PRKAR1B: variants seen among roughly 807,000 people sequenced by gnomAD.
PRKAR1B encodes the protein cAMP-dependent protein kinase type I-beta regulatory subunit.
PRKAR1B carries 22 observed loss-of-function variants against 46.5 expected under a neutral mutation model. The ratio of observed to expected loss-of-function variants is 0.47; its 90% CI spans 0.34 to 0.68. The LOEUF (loss-of-function observed/expected upper bound fraction) is 0.68. PRKAR1B is among the 30% of genes least tolerant of loss of function. The probability of loss-of-function intolerance (pLI) is 0.01; values close to 1 mark genes in which losing one functional copy is unlikely to be tolerated. For synonymous variants in PRKAR1B, 259 were observed against 217.7 expected, an observed-to-expected ratio of 1.19 and a Z score of -1.67; for missense variants, 445 against 535.6, an observed-to-expected ratio of 0.83 and a Z score of 1.67.
chr7:587,425 C>T lies in PRKAR1B; in HGVS notation c.709-2857G>A, dbSNP rs574161904. 1.5e-3 allele frequency among the ~76,000 whole-genome samples: 224 copies of T among 152,314 alleles called. 1 individual carries two copies. The highest frequency in any genetic ancestry group is 4.9e-3 in the African/African-American group (202 of 41,570). On this transcript the variant is annotated intron_variant, in intron 7 of 10. Transcript: ENST00000537384. The stretch of plus-strand genomic sequence containing the variant: ...GAGGAGAAAGTGGAGGTGAGTGCTT[C>T]GGAGGTGTGTGTCTGAAGTTACCCA...
chr7:717,693 A>G (rs1210759874), intron 1 of PRKAR1B, among the ~76,000 whole-genome samples: 1 of 152,056 alleles, frequency 6.6e-6, no homozygotes, highest in African/African-American at 2.4e-5. Flanking sequence ...GTTCTCTAAT[A>G]TTCAAGTTTT....
chr7:711,344 G>A lies in PRKAR1B; in HGVS notation c.162C>T (p.Phe54=). The stretch of plus-strand genomic sequence containing the variant: ...GGCCACTCACCTTCTCCAGCTTCTC[G>A]AAGTGCTCCCGGAGGAACTTCATGG... ...ERPMKFLREH[F]EKLEKEENRQ... The change falls in exon 2 of 11, where the codon TTC becomes TTT. Residue 54 remains phenylalanine, a synonymous_variant. Transcript: ENST00000537384. 4 of 1,614,168 alleles carry A rather than the reference G, an allele frequency of 2.5e-6. No homozygotes were observed. The highest frequency in any genetic ancestry group is 3.4e-6 in the Non-Finnish European group (4 of 1,180,012).
chr7:717,219 G>A (rs890294582), intron 1 of PRKAR1B, among the ~76,000 whole-genome samples: 2 of 151,848 alleles, frequency 1.3e-5, no homozygotes, highest in African/African-American at 4.8e-5. Flanking sequence ...AACCCAAGAG[G>A]CAGAGGTCAT....
At position 666,664 on chromosome 7, in the gene PRKAR1B, C is replaced by A. The variant is rs1785947432; in HGVS notation, c.440+10565G>T. Among the ~76,000 whole-genome samples, 1 of 152,200 alleles carries A rather than the reference C, an allele frequency of 6.6e-6. No homozygotes were observed. The highest frequency in any genetic ancestry group is 2.1e-4 in the South Asian group (1 of 4,832). On this transcript the variant is annotated intron_variant, in intron 4 of 10. Coordinates refer to ENST00000537384, the MANE Select transcript of PRKAR1B (RefSeq NM_001164760.2). This position sits in a 1 kb window ranked among gnomAD's most constrained non-coding sequence, Gnocchi z 4.9. Reference sequence around the variant, plus strand: ...TCTGTTCAGTACAGTGAGGTGGGGACAAGGTGGCCTCCTAGGGATCTTCCT... The same window carrying A: ...TCTGTTCAGTACAGTGAGGTGGGGAAAAGGTGGCCTCCTAGGGATCTTCCT...
At chr7:674,437 C>G (rs1786467078) in intron 4 of PRKAR1B, among the ~76,000 whole-genome samples, 1 of 151,990 alleles carries the variant, frequency 6.6e-6, no homozygotes, top group African/African-American at 2.4e-5. Flanking sequence ...CTAGCCACAC[C>G]CAGATATTCC....
chr7:673,026 G>C lies in PRKAR1B; in HGVS notation c.440+4203C>G, dbSNP rs553880982. Among the ~76,000 whole-genome samples the C allele has an allele frequency of 2.4e-3, 288 of 119,460 alleles. 2 individuals carry two copies. The highest frequency in any genetic ancestry group is 8.7e-3 in the African/African-American group (275 of 31,760). 78.4% of individuals were successfully genotyped at this position (119,460 alleles called of 152,430 possible). On this transcript the variant is annotated intron_variant, in intron 4 of 10. Coordinates refer to ENST00000537384, the MANE Select transcript of PRKAR1B (RefSeq NM_001164760.2). ...TGCCACTGCACTCCAGCCTGGGTGAGAGAGTAAGGCCTTGTCTTTAAAAAA... is the reference window on the plus strand; with the variant it reads ...TGCCACTGCACTCCAGCCTGGGTGACAGAGTAAGGCCTTGTCTTTAAAAAA...
rs1382723945 is a variant in PRKAR1B at position 667,931 on chromosome 7, C to T, written c.440+9298G>A. 6.6e-6 allele frequency among the ~76,000 whole-genome samples: 1 copy of T among 152,248 alleles called. No individual in the cohort carries two copies. The highest frequency in any genetic ancestry group is 2.4e-5 in the African/African-American group (1 of 41,472). ...CTCCCTCACAACCACGTTGCACTAT[C>T]TTCCTTTAAATCAAAGGTCTTAAAC... On this transcript the variant is annotated intron_variant, in intron 4 of 10. Transcript: ENST00000537384. This position sits in a 1 kb window ranked among gnomAD's most constrained non-coding sequence, Gnocchi z 4.3.
intron 1 of PRKAR1B, among the ~76,000 whole-genome samples, chr7:717,923 G>A (rs946492390): frequency 1.3e-5 from 2 of 151,982 alleles, no homozygotes; most frequent in African/African-American, 4.8e-5. Context: ...GCAAAGGTGA[G>A]GAGTGAGCAT....
At chr7:579,829 C>T (rs1780074140) in intron 8 of PRKAR1B, among the ~76,000 whole-genome samples, 1 of 152,204 alleles carries the variant, frequency 6.6e-6, no homozygotes, top group African/African-American at 2.4e-5. Context: ...GCACAGTGGG[C>T]TCACGCCTAT....
intron 1 of PRKAR1B, among the ~76,000 whole-genome samples, chr7:721,810 A>C (rs901970228): frequency 6.6e-6 from 1 of 152,222 alleles, no homozygotes; most frequent in Non-Finnish European, 1.5e-5. Flanking sequence ...ACTCACAGTC[A>C]ACAGCTCTTT....
At chr7:693,538 A>T (rs73047920) in intron 2 of PRKAR1B, among the ~76,000 whole-genome samples, 1 of 151,840 alleles carries the variant, frequency 6.6e-6, no homozygotes, top group Non-Finnish European at 1.5e-5. Flanking sequence ...TTTCACTGGC[A>T]TTACGTGTCC....
intron 2 of PRKAR1B, among the ~76,000 whole-genome samples, chr7:688,698 A>C (rs1350642366): frequency 6.6e-6 from 1 of 152,130 alleles, no homozygotes; most frequent in African/African-American, 2.4e-5. Context: ...TCAGTGCAGG[A>C]AAACCCTCCC....
chr7:712,559 C>G (rs1471594879), intron 1 of PRKAR1B: 1 of 144,604 alleles, frequency 6.9e-6, no homozygotes, highest in African/African-American at 2.5e-5. Flanking sequence ...TGCTGCACCC[C>G]CAACGCCGCC....
At position 606,925 on chromosome 7, in the gene PRKAR1B, CAT is replaced by C. The variant is rs201306105; in HGVS notation, c.502+464_502+465del. 3.5e-3 allele frequency among the ~76,000 whole-genome samples: 522 copies of C among 151,052 alleles called. 3 individuals are homozygous for C. The highest frequency in any genetic ancestry group is 7.7e-3 in the East Asian group (40 of 5,194). On this transcript the variant is annotated intron_variant, in intron 5 of 10. Coordinates refer to ENST00000537384, the MANE Select transcript of PRKAR1B (RefSeq NM_001164760.2). ...GTACATATATGTATACATGTACACA[CAT>C]ATGTGTGCACATATACGTGCATATA...
intron 2 of PRKAR1B, chr7:691,785 A>G: frequency 6.7e-6 from 8 of 1,191,762 alleles, no homozygotes; most frequent in African/African-American, 1.6e-5. Flanking sequence ...ACCGGCAATC[A>G]CCTCCTGCGG....
intron 7 of PRKAR1B, among the ~76,000 whole-genome samples, chr7:594,942 G>C (rs944531209): frequency 6.6e-6 from 1 of 152,212 alleles, no homozygotes; most frequent in African/African-American, 2.4e-5. Context: ...CAGACCCAGA[G>C]CTTCCCAGGA....
chr7:568,303 C>T (rs1779295158), intron 9 of PRKAR1B, among the ~76,000 whole-genome samples: 1 of 152,174 alleles, frequency 6.6e-6, no homozygotes, highest in Non-Finnish European at 1.5e-5. Flanking sequence ...GGAAGCTGCC[C>T]CCTCAGGAGC....
chr7:691,743 G>T (rs753612753), intron 2 of PRKAR1B: 1 of 1,234,410 alleles, frequency 8.1e-7, no homozygotes, highest in Non-Finnish European at 1.0e-6. Context: ...AATCCAGGGT[G>T]CTGAGGGGAT....
rs1438173747 is a variant in PRKAR1B, at chr7:638,851, C to T, written c.441-31399G>A. Among the ~76,000 whole-genome samples, 7 of 152,034 alleles carry T rather than the reference C, an allele frequency of 4.6e-5. 1 individual carries two copies. The highest frequency in any genetic ancestry group is 2.1e-4 in the South Asian group (1 of 4,822). ...CAGCACTTTGGGAGGCTGAAGCGGG[C>T]GGATCACTTGAGGTCAGGAGTTCGA... On this transcript the variant is annotated intron_variant, in intron 4 of 10. Transcript: ENST00000537384.
Sources: gnomAD v4.1 joint callset for allele counts (sites outside exome capture counted in the v4.1 genomes callset) on GRCh38, gnomAD v4.1.1 for gene constraint, Gnocchi (gnomAD v3.1) non-coding constraint, MANE v1.5 for transcripts, NCBI Gene and HGNC (gene_info 2026-07-23, HGNC 2026-07-21) for gene names.